The following TRAPPC9 variants were observed in gnomAD, a reference collection of about 807,000 sequenced individuals.
TRAPPC9 encodes the protein trafficking protein particle complex subunit 9, also known as IKK2 binding protein.
In TRAPPC9, 83 loss-of-function variants were observed where a neutral mutation model predicts 124.0. The observed-to-expected ratio is 0.67, with a 90% confidence interval of 0.56 to 0.80. The LOEUF (loss-of-function observed/expected upper bound fraction) is 0.80. TRAPPC9 is among the 30% of genes least tolerant of loss of function. The probability of loss-of-function intolerance (pLI) is 0.00; values close to 1 mark genes in which losing one functional copy is unlikely to be tolerated. For synonymous variants in TRAPPC9, 638 were observed against 617.5 expected (o/e 1.03, Z -0.49); for missense variants, 1,302 against 1,508.3 (o/e 0.86, Z 2.27).
At chr8:140,327,262 A>C (rs1405240428) in intron 9 of TRAPPC9, among the ~76,000 whole-genome samples, 1 of 152,106 alleles carries the variant, frequency 6.6e-6, no homozygotes, top group Non-Finnish European at 1.5e-5. Flanking sequence ...AGACAAGACA[A>C]GACACGACAA....
chr8:140,017,648 T>C (rs187290196), intron 18 of TRAPPC9, among the ~76,000 whole-genome samples: 35 of 152,344 alleles, frequency 2.3e-4, no homozygotes, highest in African/African-American at 7.9e-4. Context: ...CTTAAAATCA[T>C]ACAGTGTAAG....
intron 5 of TRAPPC9, among the ~76,000 whole-genome samples, chr8:140,424,785 TGA>T (rs1330110889): frequency 6.6e-6 from 1 of 151,952 alleles, no homozygotes; most frequent in East Asian, 1.9e-4. Flanking sequence ...GTTCTTAGGA[TGA>T]GAGATGGAGG....
At chr8:139,806,448 G>A (rs1209189505) in intron 21 of TRAPPC9, among the ~76,000 whole-genome samples, 2 of 152,154 alleles carry the variant, frequency 1.3e-5, no homozygotes, top group Non-Finnish European at 2.9e-5. Context: ...GTTTCCACTC[G>A]GGGCTCAGCG....
chr8:140,184,967 C>T (rs4236868), intron 17 of TRAPPC9, among the ~76,000 whole-genome samples: 80,906 of 152,022 alleles, frequency 0.53, 23,056 homozygotes, highest in East Asian at 0.99. Flanking sequence ...AAGCAATAAA[C>T]AAAAATAAAA....
chr8:139,806,717 G>A (rs547959183), intron 21 of TRAPPC9, among the ~76,000 whole-genome samples: 19 of 152,304 alleles, frequency 1.2e-4, no homozygotes, highest in Non-Finnish European at 2.5e-4. Flanking sequence ...GTCCATTTCT[G>A]TTGCTGGCAG....
chr8:140,251,741 C>T (rs1039915024), intron 16 of TRAPPC9, among the ~76,000 whole-genome samples: 29 of 152,080 alleles, frequency 1.9e-4, no homozygotes, highest in African/African-American at 7.0e-4. Flanking sequence ...AGATGAGTGC[C>T]CTTGTAAGAA....
intron 17 of TRAPPC9, among the ~76,000 whole-genome samples, chr8:140,162,523 T>C (rs1196790457): frequency 1.3e-5 from 2 of 152,212 alleles, no homozygotes; most frequent in African/African-American, 2.4e-5. Context: ...GCTCAGTAAG[T>C]ATTAAATAAA....
At chr8:140,281,259 G>A (rs932050343) in intron 14 of TRAPPC9, among the ~76,000 whole-genome samples, 1 of 152,182 alleles carries the variant, frequency 6.6e-6, no homozygotes, top group African/African-American at 2.4e-5. Flanking sequence ...CATCGGCCTC[G>A]CACGAGGCGT....
chr8:140,195,929 C>A (rs1256136075), intron 17 of TRAPPC9, among the ~76,000 whole-genome samples: 1 of 73,182 alleles, frequency 1.4e-5, no homozygotes, highest in African/African-American at 4.8e-5. Context: ...AACGATCCAC[C>A]ATACAGATCA....
rs184889885 is a variant in TRAPPC9 at position 140,126,189 on chromosome 8, G to A, written c.2556+95270C>T. Among the ~76,000 whole-genome samples, 139 of 152,226 alleles carry A rather than the reference G, an allele frequency of 9.1e-4. 1 individual carries two copies. In the Middle Eastern group the frequency reaches 0.01, roughly 11 times the overall value. ...GCAGACTCGGAGGAAACCAGATGAG[G>A]GGCAAAGCTGCTCTTAGCTCTTCTC... On this transcript the variant is annotated intron_variant, in intron 17 of 22. Transcript: ENST00000438773.
At chr8:140,025,364 T>TAAAAC (rs1371483063) in intron 17 of TRAPPC9, among the ~76,000 whole-genome samples, 1 of 152,008 alleles carries the variant, frequency 6.6e-6, no homozygotes. Context: ...TTACAGCTTG[T>TAAAAC]AAAACAAAAC....
At chr8:140,325,766 C>A (rs576501261) in intron 9 of TRAPPC9, among the ~76,000 whole-genome samples, 52 of 152,290 alleles carry the variant, frequency 3.4e-4, no homozygotes, top group African/African-American at 1.2e-3. Flanking sequence ...ATGAAGCCAG[C>A]ACAACCCTGA....
chr8:139,970,301 C>T (rs962206156), intron 19 of TRAPPC9, among the ~76,000 whole-genome samples: 3 of 152,220 alleles, frequency 2.0e-5, no homozygotes, highest in Non-Finnish European at 4.4e-5. Flanking sequence ...CTGCAGAACT[C>T]GGTCCCCAGT....
At chr8:140,004,375 T>C (rs773913961) in intron 18 of TRAPPC9, among the ~76,000 whole-genome samples, 3 of 152,212 alleles carry the variant, frequency 2.0e-5, no homozygotes, top group Non-Finnish European at 2.9e-5. Context: ...TTTAAATCAA[T>C]GCAATTAAAA....
chr8:140,244,800 C>CT (rs1162364645), intron 16 of TRAPPC9, among the ~76,000 whole-genome samples: 2,300 of 90,126 alleles, frequency 0.026, 9 homozygotes, highest in Non-Finnish European at 0.033. Flanking sequence ...TTTCCAATTC[C>CT]TTTTTTTTTT....
chr8:140,107,441 A>T (rs914572038), intron 17 of TRAPPC9, among the ~76,000 whole-genome samples: 1 of 152,238 alleles, frequency 6.6e-6, no homozygotes, highest in African/African-American at 2.4e-5. Context: ...CCCTCAAGAC[A>T]ACTGCAACAA....
In TRAPPC9 at chr8:139,885,868, C is replaced by T. The variant is rs374709193; in HGVS notation, c.3055+11G>A. 680 of 1,556,586 alleles carry T rather than the reference C, an allele frequency of 4.4e-4. 1 individual carries two copies. Among genetic ancestry groups the T allele is most frequent in the Non-Finnish European group, 5.5e-4 (633 of 1,149,626 alleles). On this transcript the variant is annotated intron_variant, in intron 21 of 22. Transcript: ENST00000438773. The stretch of plus-strand genomic sequence containing the variant: ...CCACCCAGAATCGATGGGTGGCTGG[C>T]GGGTACTCACCCCACTGCAGAGGCG...
intron 17 of TRAPPC9, among the ~76,000 whole-genome samples, chr8:140,072,465 C>T (rs1009958963): frequency 5.3e-5 from 8 of 151,432 alleles, no homozygotes; most frequent in African/African-American, 1.9e-4. Flanking sequence ...TTGCAGTGAG[C>T]CGAGACTGCG....
intron 17 of TRAPPC9, among the ~76,000 whole-genome samples, chr8:140,105,027 T>C (rs1199745806): frequency 6.6e-6 from 1 of 152,172 alleles, no homozygotes; most frequent in Admixed American, 6.5e-5. Flanking sequence ...CAGCCACCAC[T>C]TGGCCGGCTC....
Sources: gnomAD v4.1 joint callset for allele counts (sites outside exome capture counted in the v4.1 genomes callset) on GRCh38, gnomAD v4.1.1 for gene constraint, MANE v1.5 for transcripts, NCBI Gene and HGNC (gene_info 2026-07-23, HGNC 2026-07-21) for gene names.